MAPK9: variants seen among roughly 807,000 people sequenced by gnomAD.
MAPK9 encodes the protein Jun kinase.
In MAPK9, 30 loss-of-function variants were observed where a neutral mutation model predicts 57.1. That is an observed-to-expected ratio of 0.53 (90% CI 0.39 to 0.71). MAPK9 has a LOEUF of 0.71. MAPK9 is among the 30% of genes least tolerant of loss of function. MAPK9 has a pLI of 0.00. For synonymous variants in MAPK9, 155 were observed against 177.0 expected (o/e 0.88, Z 0.99); for missense variants, 362 against 521.0 (o/e 0.69, Z 2.97).
At chr5:180,291,231 T>A (rs1164119924) in intron 1 of MAPK9, among the ~76,000 whole-genome samples, 5 of 146,654 alleles carry the variant, frequency 3.4e-5, no homozygotes, top group Admixed American at 1.4e-4. Context: ...GGTAAGGGAT[T>A]CGGGCTGGGT....
chr5:180,267,112 T>C (rs1003082169), intron 3 of MAPK9, among the ~76,000 whole-genome samples: 12 of 152,244 alleles, frequency 7.9e-5, no homozygotes, highest in Admixed American at 5.2e-4. Flanking sequence ...ATCTTGTTTA[T>C]GTACTTGTGC....
At chr5:180,244,005 G>A (rs528691610) in intron 7 of MAPK9, among the ~76,000 whole-genome samples, 3 of 152,138 alleles carry the variant, frequency 2.0e-5, no homozygotes, top group Non-Finnish European at 2.9e-5. Context: ...CTGCCATAAC[G>A]GTCGGCTAAT....
intron 5 of MAPK9, among the ~76,000 whole-genome samples, chr5:180,253,961 C>CTT (rs1244742150): frequency 5.1e-5 from 4 of 77,784 alleles, no homozygotes; most frequent in Non-Finnish European, 1.1e-4. Context: ...ATGCTTCAAT[C>CTT]TCTTTTTTTT....
chr5:180,253,353 A>T (rs548271750), intron 5 of MAPK9, among the ~76,000 whole-genome samples: 1 of 152,302 alleles, frequency 6.6e-6, no homozygotes, highest in East Asian at 1.9e-4. Context: ...GCCCACGAAA[A>T]GCCCCACGCT....
intron 7 of MAPK9, among the ~76,000 whole-genome samples, chr5:180,243,869 A>G (rs1353298088): frequency 6.6e-6 from 1 of 152,180 alleles, no homozygotes; most frequent in Non-Finnish European, 1.5e-5. Context: ...ATAAATAAAG[A>G]CAGAGTCTCG....
intron 9 of MAPK9, 66 bp from the exon 10 acceptor site, chr5:180,240,053 G>A: frequency 8.0e-7 from 1 of 1,253,294 alleles, no homozygotes; most frequent in Non-Finnish European, 1.2e-6. Context: ...ACTAAAAAAG[G>A]TAAAATTGCT....
chr5:180,257,457 C>T (rs1759408288), intron 5 of MAPK9, among the ~76,000 whole-genome samples: 2 of 152,224 alleles, frequency 1.3e-5, no homozygotes, highest in Admixed American at 1.3e-4. Flanking sequence ...AATCTAATGG[C>T]AATCTGTTGA....
In MAPK9 at chr5:180,236,527, C is replaced by CT; in HGVS notation, c.1133-2dup. On this transcript the variant is annotated splice_acceptor_variant, in intron 11 of 11. Coordinates refer to ENST00000452135, the MANE Select transcript of MAPK9 (RefSeq NM_002752.5). LOFTEE classifies it high-confidence loss of function. ...GTGGCGTTGCTACTTACTGCTGCATCTGTGCTAAGAAAACCAAATATAATA... is the reference window on the plus strand; with the variant it reads ...GTGGCGTTGCTACTTACTGCTGCATCTTGTGCTAAGAAAACCAAATATAATA... 3 of 1,613,584 alleles carry CT rather than the reference C, an allele frequency of 1.9e-6. No individual in the cohort carries two copies. Among genetic ancestry groups the CT allele is most frequent in the Non-Finnish European group, 2.5e-6 (3 of 1,179,612 alleles).
chr5:180,287,456 C>T (rs1041324640), intron 1 of MAPK9, among the ~76,000 whole-genome samples: 3 of 152,328 alleles, frequency 2.0e-5, no homozygotes, highest in Admixed American at 2.0e-4. Flanking sequence ...GCAGTGATCA[C>T]ACCATTCTCC....
chr5:180,280,194 G>A (rs7715540), intron 2 of MAPK9, among the ~76,000 whole-genome samples: 95,373 of 151,862 alleles, frequency 0.63, 30,107 homozygotes, highest in African/African-American at 0.7. Context: ...AAAATGAAAG[G>A]AAAAAGAAAC....
intron 11 of MAPK9, 122 bp from the exon 12 acceptor site, chr5:180,236,648 G>T: frequency 1.9e-6 from 2 of 1,028,626 alleles, no homozygotes; most frequent in Non-Finnish European, 2.8e-6. Flanking sequence ...CTAACTATGA[G>T]TATAGACAAG....
intron 5 of MAPK9, among the ~76,000 whole-genome samples, chr5:180,254,330 A>T (rs1203903250): frequency 6.6e-6 from 1 of 152,186 alleles, no homozygotes; most frequent in Non-Finnish European, 1.5e-5. Context: ...TGTGACAGGG[A>T]GGGACCTAAC....
chr5:180,240,929 A>G, intron 9 of MAPK9, 102 bp downstream of exon 9: 1 of 1,333,976 alleles, frequency 7.5e-7, no homozygotes, highest in Non-Finnish European at 9.8e-7. Flanking sequence ...CCCCAAATGG[A>G]GAACTTGCTA....
At chr5:180,241,521 G>A (rs1213736943) in intron 8 of MAPK9, among the ~76,000 whole-genome samples, 2 of 152,090 alleles carry the variant, frequency 1.3e-5, no homozygotes, top group South Asian at 2.1e-4. Context: ...GGATGGTCTC[G>A]ATCTCTTGAC....
intron 3 of MAPK9, among the ~76,000 whole-genome samples, chr5:180,267,406 C>CA (rs530131716): frequency 2.1e-3 from 317 of 151,440 alleles, no homozygotes; most frequent in African/African-American, 7.4e-3. Context: ...ACTAAAAATA[C>CA]AAAAAATTAG....
intron 2 of MAPK9, 112 bp from the exon 3 acceptor site, chr5:180,269,521 T>A (rs1761052940): frequency 9.5e-7 from 1 of 1,052,776 alleles, no homozygotes; most frequent in African/African-American, 1.6e-5. Context: ...AGGAAAAATC[T>A]GCTTATTTCA....
At chr5:180,290,846 C>CT (rs1763165408) in intron 1 of MAPK9, among the ~76,000 whole-genome samples, 1 of 152,208 alleles carries the variant, frequency 6.6e-6, no homozygotes, top group South Asian at 2.1e-4. Context: ...TTTCTAAGCA[C>CT]TGGGGATAAA....
intron 3 of MAPK9, among the ~76,000 whole-genome samples, chr5:180,267,923 T>C (rs539427386): frequency 1.8e-4 from 28 of 152,230 alleles, no homozygotes; most frequent in East Asian, 1.5e-3. Flanking sequence ...AGTGCAGTGG[T>C]GCTATCTCAG....
intron 5 of MAPK9, among the ~76,000 whole-genome samples, chr5:180,254,890 T>G (rs35615294): frequency 0.013 from 1,996 of 152,118 alleles, 54 homozygotes; most frequent in African/African-American, 0.046. Context: ...AAAAATTAGC[T>G]GGGCGTGGTG....
Sources: allele counts gnomAD v4.1 joint callset (sites outside exome capture counted in the v4.1 genomes callset), GRCh38; gene constraint gnomAD v4.1.1; transcripts MANE v1.5; gene names NCBI Gene and HGNC (gene_info 2026-07-23, HGNC 2026-07-21).